STXBP5L: variants seen among roughly 807,000 people sequenced by gnomAD.
The protein encoded by STXBP5L is syntaxin-binding protein 5-like.
Under a neutral mutation model 144.5 loss-of-function variants are expected in STXBP5L, and 65 were observed. That is an observed-to-expected ratio of 0.45 (90% CI 0.37 to 0.55). STXBP5L has a LOEUF of 0.55. STXBP5L is among the 20% of genes least tolerant of loss of function. The pLI, the probability that STXBP5L is intolerant of heterozygous loss-of-function variation, is 0.00. For missense variants in STXBP5L, 1,298 were observed against 1,405.5 expected (o/e 0.92, Z 1.22); for synonymous variants, 505 against 469.6 (o/e 1.08, Z -0.97).
At chr3:121,098,278 G>A (rs2043232077) in intron 5 of STXBP5L, among the ~76,000 whole-genome samples, 1 of 152,150 alleles carries the variant, frequency 6.6e-6, no homozygotes, top group Non-Finnish European at 1.5e-5. Context: ...TGCTTCTGGT[G>A]AGCACCTCTG....
chr3:121,062,149 AG>A (rs1215346182), intron 5 of STXBP5L, among the ~76,000 whole-genome samples: 12 of 152,070 alleles, frequency 7.9e-5, no homozygotes, highest in Non-Finnish European at 1.8e-4. Flanking sequence ...AGCTCTTGAA[AG>A]GCAAAGCCGC....
At chr3:121,388,950 C>G (rs1272393635) in intron 22 of STXBP5L, among the ~76,000 whole-genome samples, 2 of 152,024 alleles carry the variant, frequency 1.3e-5, no homozygotes, top group Non-Finnish European at 2.9e-5. Flanking sequence ...GATTGGAATA[C>G]TTTGAGAAGG....
intron 3 of STXBP5L, among the ~76,000 whole-genome samples, chr3:120,996,036 C>T (rs60638537): frequency 1.3e-5 from 2 of 152,050 alleles, no homozygotes; most frequent in Admixed American, 6.6e-5. Context: ...GTAGAATACA[C>T]AATTAGCAGT....
chr3:121,352,366 T>G (rs1454714396), intron 20 of STXBP5L, among the ~76,000 whole-genome samples: 1 of 152,134 alleles, frequency 6.6e-6, no homozygotes, highest in Non-Finnish European at 1.5e-5. Flanking sequence ...CATTGAGCAG[T>G]GGTTTGTAGT....
intron 19 of STXBP5L, among the ~76,000 whole-genome samples, chr3:121,302,919 A>G (rs375515251): frequency 7.9e-5 from 12 of 152,224 alleles, no homozygotes; most frequent in Non-Finnish European, 1.6e-4. Flanking sequence ...ACCTAAAACC[A>G]TAAAAACCCT....
intron 3 of STXBP5L, among the ~76,000 whole-genome samples, chr3:120,986,637 T>C (rs569405793): frequency 7.1e-4 from 108 of 152,114 alleles, no homozygotes; most frequent in African/African-American, 2.5e-3. Flanking sequence ...AAGTACATTT[T>C]GTCTAATATT....
chr3:121,336,579 G>A (rs1434425594), intron 20 of STXBP5L, among the ~76,000 whole-genome samples: 2 of 151,898 alleles, frequency 1.3e-5, no homozygotes, highest in African/African-American at 2.4e-5. Context: ...AGTCAGAATG[G>A]CTATTAATAA....
At chr3:121,331,875 A>C (rs1301720992) in intron 20 of STXBP5L, among the ~76,000 whole-genome samples, 1 of 152,186 alleles carries the variant, frequency 6.6e-6, no homozygotes, top group East Asian at 1.9e-4. Flanking sequence ...AACTTCTGCC[A>C]TTCTAGCCCT....
chr3:120,976,755 C>T (rs1311331573), intron 3 of STXBP5L, among the ~76,000 whole-genome samples: 1 of 152,200 alleles, frequency 6.6e-6, no homozygotes, highest in Non-Finnish European at 1.5e-5. Flanking sequence ...TCTTTGTTCT[C>T]ACTGGTTTCA....
intron 3 of STXBP5L, among the ~76,000 whole-genome samples, chr3:120,968,251 G>T (rs1939830999): frequency 6.6e-6 from 1 of 152,080 alleles, no homozygotes; most frequent in Non-Finnish European, 1.5e-5. Flanking sequence ...CTTTAGGTCT[G>T]TTAATATTTG....
At chr3:121,042,184 G>A (rs547858616) in intron 4 of STXBP5L, among the ~76,000 whole-genome samples, 5 of 151,578 alleles carry the variant, frequency 3.3e-5, no homozygotes, top group African/African-American at 9.7e-5. Flanking sequence ...GCTTATATAC[G>A]TATGGGCCCT....
chr3:121,018,047 C>A (rs1271745810), intron 3 of STXBP5L, among the ~76,000 whole-genome samples: 3 of 152,110 alleles, frequency 2.0e-5, no homozygotes, highest in African/African-American at 7.2e-5. Flanking sequence ...CCACTGCACT[C>A]CAGCCTGGGT....
chr3:120,990,041 T>C (rs1445612864), intron 3 of STXBP5L, among the ~76,000 whole-genome samples: 4 of 152,138 alleles, frequency 2.6e-5, no homozygotes, highest in Admixed American at 2.0e-4. Flanking sequence ...GACGACATGA[T>C]TGTATATCCA....
chr3:121,180,362 G>A (rs1369200527), intron 9 of STXBP5L, among the ~76,000 whole-genome samples: 4 of 152,132 alleles, frequency 2.6e-5, no homozygotes, highest in East Asian at 1.9e-4. Flanking sequence ...AAGGAGAGAC[G>A]TAAAGTCTTT....
chr3:120,945,000 A>G (rs774180425), intron 2 of STXBP5L, among the ~76,000 whole-genome samples: 3 of 151,834 alleles, frequency 2.0e-5, no homozygotes, highest in Non-Finnish European at 2.9e-5. Context: ...TTTCTCAACA[A>G]TGAGAGTTGC....
At chr3:121,270,047 C>A (rs1191850488) in intron 18 of STXBP5L, among the ~76,000 whole-genome samples, 1 of 152,090 alleles carries the variant, frequency 6.6e-6, no homozygotes, top group African/African-American at 2.4e-5. Context: ...GAATAGAATT[C>A]TTGTAAGAAC....
chr3:121,241,376 TACACACACACACACAC>T (rs4048752), intron 14 of STXBP5L, among the ~76,000 whole-genome samples: 2 of 146,812 alleles, frequency 1.4e-5, no homozygotes, highest in African/African-American at 2.5e-5. Flanking sequence ...CACACACACA[TACACACACACACACAC>T]ACACACACAC....
At chr3:121,379,532 A>G (rs1038197654) in intron 21 of STXBP5L, among the ~76,000 whole-genome samples, 4 of 152,182 alleles carry the variant, frequency 2.6e-5, no homozygotes, top group African/African-American at 7.2e-5. Flanking sequence ...AAGATTTGCT[A>G]TAGTAATTCT....
At chr3:121,119,523 G>A (rs2044368572) in intron 6 of STXBP5L, among the ~76,000 whole-genome samples, 1 of 151,258 alleles carries the variant, frequency 6.6e-6, no homozygotes, top group South Asian at 2.1e-4. Flanking sequence ...ACTAAATAGG[G>A]ATACCGAGAA....
Sources: allele counts gnomAD v4.1 joint callset (sites outside exome capture counted in the v4.1 genomes callset), GRCh38; gene constraint gnomAD v4.1.1; transcripts MANE v1.5; gene names NCBI Gene and HGNC (gene_info 2026-07-23, HGNC 2026-07-21).